HNRNPU: variants seen among roughly 807,000 people sequenced by gnomAD.
The protein encoded by HNRNPU is HNRNPU antisense RNA 1.
In HNRNPU, 5 loss-of-function variants were observed where a neutral mutation model predicts 94.7. The ratio of observed to expected loss-of-function variants is 0.05; its 90% CI spans 0.03 to 0.11. The LOEUF (loss-of-function observed/expected upper bound fraction) is 0.11. Among genes scored for constraint, HNRNPU ranks in the 10% least tolerant of loss-of-function variants. The pLI, the probability that HNRNPU is intolerant of heterozygous loss-of-function variation, is 1.00. For missense variants in HNRNPU, 710 were observed against 1,049.2 expected (o/e 0.68, Z 4.47); for synonymous variants, 434 against 381.6 (o/e 1.14, Z -1.60).
chr1:244,863,849 G>A lies in HNRNPU; in HGVS notation c.459C>T (p.Gly153=), dbSNP rs761397941. 6.2e-6 allele frequency: 10 copies of A among 1,612,738 alleles called. No homozygotes were observed. The highest frequency in any genetic ancestry group is 6.8e-6 in the Non-Finnish European group (8 of 1,179,756). The change falls in exon 1 of 14, where the codon GGC becomes GGT. Residue 153 remains glycine, a synonymous_variant. Transcript: ENST00000640218. ...GCTGCTCCCCGTGCCCGTTCTCGTCGCCCGCGCCTTCCTCTTCGTCCCCGA... is the reference window on the plus strand; with the variant it reads ...GCTGCTCCCCGTGCCCGTTCTCGTCACCCGCGCCTTCCTCTTCGTCCCCGA... The part of the protein sequence containing the change: ...DELGDEEEGA[G]DENGHGEQQP...
intron 8 of HNRNPU, chr1:244,857,143 T>TTA (rs1558186928): frequency 1.4e-5 from 4 of 289,900 alleles, no homozygotes; most frequent in African/African-American, 8.8e-5. Context: ...AAGAACCAAC[T>TTA]TAATCTTGCC....
intron 1 of HNRNPU, 85 bp downstream of exon 1, chr1:244,863,532 C>A: frequency 1.6e-6 from 2 of 1,274,604 alleles, no homozygotes; most frequent in Non-Finnish European, 2.0e-6. Flanking sequence ...GGCTCCCTCC[C>A]CCTGCGGGGC....
chr1:244,855,195 C>G, intron 12 of HNRNPU, 151 bp from the exon 13 acceptor site: 1 of 726,308 alleles, frequency 1.4e-6, no homozygotes, highest in Non-Finnish European at 2.4e-6. Flanking sequence ...CTGCTGGTTT[C>G]TTATGTTTTA....
chr1:244,860,745 T>G (rs1680803891), intron 3 of HNRNPU: 1 of 517,132 alleles, frequency 1.9e-6, no homozygotes, highest in Non-Finnish European at 3.4e-6. Context: ...CAAGACAATG[T>G]GACATTAATA....
At position 244,854,175 on chromosome 1, in the gene HNRNPU, AAG is replaced by A; in HGVS notation, c.*273_*274del. 3.2e-6 allele frequency: 1 copy of A among 313,612 alleles called. No individual in the cohort carries two copies. Among genetic ancestry groups the A allele is most frequent in the South Asian group, 5.1e-5 (1 of 19,420 alleles). 19.4% of individuals were successfully genotyped at this position (313,612 alleles called of 1,614,324 possible). ...CTTCTGTTGTGATAAAAAAAAAAAA[AAG>A]TCACATTTTACAGATAAAATGTAGA... On this transcript the variant is annotated 3_prime_UTR_variant, in exon 14 of 14. Coordinates refer to ENST00000640218, the MANE Select transcript of HNRNPU (RefSeq NM_031844.3).
In HNRNPU at chr1:244,862,390, A is replaced by T. The variant is rs12124462; in HGVS notation, c.877+71T>A. The T allele has an allele frequency of 0.16, 149,451 of 950,652 alleles. 15,054 individuals carry two copies. The highest frequency in any genetic ancestry group is 0.42 in the African/African-American group (21,364 of 50,882). The allele number at this position is 950,652 out of a possible 1,614,324, so 58.9% of individuals were successfully genotyped here. A position where few individuals can be genotyped will look rare whatever the true frequency, so the allele number is the denominator to read the frequency against. On this transcript the variant is annotated intron_variant, in intron 3 of 13. Transcript: ENST00000640218. ...AGTTTTGCTGCACTTAAGCATTAAGACTTCTAAAAAAAAAAAAAAAAAAAC... is the reference window on the plus strand; with the variant it reads ...AGTTTTGCTGCACTTAAGCATTAAGTCTTCTAAAAAAAAAAAAAAAAAAAC...
rs185164697 is a variant in HNRNPU at position 244,864,448 on chromosome 1, G to A, written c.-141C>T. On this transcript the variant is annotated 5_prime_UTR_variant, in exon 1 of 14. Coordinates refer to ENST00000640218, the MANE Select transcript of HNRNPU (RefSeq NM_031844.3). ...TGGAGATGGGTTCGTGCTGCAGAGC[G>A]GATCCGCCTGGTGTCGAACGGCGCC... The A allele has an allele frequency of 1.3e-3, 1,837 of 1,407,922 alleles. 26 individuals are homozygous for A. The African/African-American group carries it at 0.023, about 18-fold the overall frequency. 87.2% of individuals were successfully genotyped at this position (1,407,922 alleles called of 1,614,324 possible).
chr1:244,856,266 A>C, intron 10 of HNRNPU, 108 bp from the exon 11 acceptor site: 2 of 1,247,630 alleles, frequency 1.6e-6, no homozygotes, highest in Non-Finnish European at 2.2e-6. Flanking sequence ...TAAAAATAAA[A>C]ACAGACCAAA....
rs1680575439 is a variant in HNRNPU, at chr1:244,852,541, T to G, written c.*1909A>C. The G allele has an allele frequency of 6.6e-6, 1 of 152,186 alleles. No homozygotes were observed. Among genetic ancestry groups the G allele is most frequent in the African/African-American group, 2.4e-5 (1 of 41,448 alleles). The allele number at this position is 152,186 out of a possible 1,614,324, so 9.4% of individuals were successfully genotyped here. ...TCTATGCAATCCTAATAATGTATAC[T>G]GAAGAGTAGTAGCTCAGGCCAGTGG... On this transcript the variant is annotated 3_prime_UTR_variant, in exon 14 of 14. Coordinates refer to ENST00000640218, the MANE Select transcript of HNRNPU (RefSeq NM_031844.3).
chr1:244,862,969 C>G, intron 1 of HNRNPU: 1 of 560,352 alleles, frequency 1.8e-6, no homozygotes, highest in East Asian at 3.1e-5. Context: ...CAAAGAAAAA[C>G]TGCGCGGCCC....
intron 3 of HNRNPU, 141 bp downstream of exon 3, chr1:244,862,320 C>G: frequency 1.6e-6 from 1 of 614,202 alleles, no homozygotes; most frequent in Non-Finnish European, 2.8e-6. Flanking sequence ...CTACTAGGTT[C>G]TGAATGTAAA....
At chr1:244,857,181 C>A in intron 8 of HNRNPU, 1 of 242,862 alleles carries the variant, frequency 4.1e-6, no homozygotes, top group Non-Finnish European at 7.8e-6. Flanking sequence ...AAGATACTAA[C>A]AAAATGGATA....
chr1:244,858,842 C>CAAG lies in HNRNPU; in HGVS notation c.1118-2_1118-1insCTT, dbSNP rs2102987185. 1 of 1,334,084 alleles carries CAAG rather than the reference C, an allele frequency of 7.5e-7. No homozygotes were observed. The highest frequency in any genetic ancestry group is 1.2e-5 in the South Asian group (1 of 83,390). The allele number at this position is 1,334,084 out of a possible 1,614,324, so 82.6% of individuals were successfully genotyped here. ...TACCCATAAGAAAATTCTTCTTCACCTAAGAAAATAATTAATCTTCATGAA... is the reference window on the plus strand; with the variant it reads ...TACCCATAAGAAAATTCTTCTTCACCAAGTAAGAAAATAATTAATCTTCATGAA... On this transcript the variant is annotated splice_acceptor_variant, in intron 5 of 13. Coordinates refer to ENST00000640218, the MANE Select transcript of HNRNPU (RefSeq NM_031844.3). LOFTEE classifies it high-confidence loss of function.
chr1:244,863,564 TC>T, intron 1 of HNRNPU, 52 bp downstream of exon 1: 1 of 1,341,858 alleles, frequency 7.5e-7, no homozygotes, highest in South Asian at 1.8e-5. Flanking sequence ...TGGGGCACGG[TC>T]CCCACCCCGC....
rs561053254 is a variant in HNRNPU, at chr1:244,861,687, T to C, written c.877+774A>G. On this transcript the variant is annotated intron_variant, in intron 3 of 13. Coordinates refer to ENST00000640218, the MANE Select transcript of HNRNPU (RefSeq NM_031844.3). ...AGTTATTTTTATCCTTTGGTCTATT[T>C]ATCACACCCAGAGTTGTACATTCTC... The C allele has an allele frequency of 7.6e-4, 116 of 151,720 alleles. 1 individual carries two copies. The highest frequency in any genetic ancestry group is 2.6e-3 in the African/African-American group (108 of 41,252). 9.4% of individuals were successfully genotyped at this position (151,720 alleles called of 1,614,324 possible). A position where few individuals can be genotyped will look rare whatever the true frequency, so the allele number is the denominator to read the frequency against.
rs886587370 is a variant in HNRNPU, at chr1:244,850,633, A to G, written c.*3817T>C. The G allele has an allele frequency of 2.0e-5, 3 of 152,214 alleles. No individual in the cohort carries two copies. Among genetic ancestry groups the G allele is most frequent in the Non-Finnish European group, 4.4e-5 (3 of 68,038 alleles). 9.4% of individuals were successfully genotyped at this position (152,214 alleles called of 1,614,324 possible). A position where few individuals can be genotyped will look rare whatever the true frequency, so the allele number is the denominator to read the frequency against. ...TCAGGTAGTTAACCAATTCTTGCTC[A>G]AAGCACTAATGTTCAGTCCCTCACC... is the stretch of plus-strand genomic sequence containing the variant. On this transcript the variant is annotated 3_prime_UTR_variant, in exon 14 of 14. Coordinates refer to ENST00000640218, the MANE Select transcript of HNRNPU (RefSeq NM_031844.3).
rs756922782 is a variant in HNRNPU at position 244,863,654 on chromosome 1, G to T, written c.654C>A (p.Gly218=). The T allele has an allele frequency of 6.4e-7, 1 of 1,553,152 alleles. No homozygotes were observed. Among genetic ancestry groups the T allele is most frequent in the South Asian group, 1.2e-5 (1 of 86,646 alleles). ...CCCCGGGGCGACCGCCGCCTCCGCC[G>T]CCTTCCGCCTTCTTCTTACCTCCCG... The part of the protein sequence containing the change: ...QQAGGKKKAE[G]GGGGGRPGAP... The change falls in exon 1 of 14, where the codon GGC becomes GGA. Residue 218 remains glycine (G), a synonymous_variant. Coordinates refer to ENST00000640218, the MANE Select transcript of HNRNPU (RefSeq NM_031844.3).
At position 244,851,685 on chromosome 1, in the gene HNRNPU, CTCT is replaced by C. The variant is rs892977991; in HGVS notation, c.*2762_*2764del. On this transcript the variant is annotated 3_prime_UTR_variant, in exon 14 of 14. Coordinates refer to ENST00000640218, the MANE Select transcript of HNRNPU (RefSeq NM_031844.3). ...TTGTTTTTATGTATTTAAGAGTTTC[CTCT>C]TGTCATTTCAATGTCAAATTGATTT... 3.9e-5 allele frequency: 6 copies of C among 152,104 alleles called. No individual in the cohort carries two copies. The highest frequency in any genetic ancestry group is 8.8e-5 in the Non-Finnish European group (6 of 68,026). The allele number at this position is 152,104 out of a possible 1,614,324, so 9.4% of individuals were successfully genotyped here.
At chr1:244,863,583 TC>T in intron 1 of HNRNPU, 33 bp downstream of exon 1, 1 of 1,383,700 alleles carries the variant, frequency 7.2e-7, no homozygotes, top group Non-Finnish European at 9.3e-7. Context: ...CGCGCGGGCC[TC>T]CCGCCGCGCG....
Sources: allele counts gnomAD v4.1 joint callset, GRCh38; gene constraint gnomAD v4.1.1; transcripts MANE v1.5; gene names NCBI Gene and HGNC (gene_info 2026-07-23, HGNC 2026-07-21).